UCHL5: variants seen among roughly 807,000 people sequenced by gnomAD.
UCHL5 encodes the protein ubiquitin C-terminal hydrolase L5, also known as ubiquitin carboxyl-terminal hydrolase isozyme L5.
In UCHL5, 34 loss-of-function variants were observed where a neutral mutation model predicts 53.8. The observed-to-expected ratio is 0.63, with a 90% CI of 0.48 to 0.84. UCHL5 has a LOEUF of 0.84. Ranked by LOEUF, UCHL5 falls within the 40% of genes least tolerant of loss-of-function variation. The pLI, the probability that UCHL5 is intolerant of heterozygous loss-of-function variation, is 0.00. For missense variants in UCHL5, 290 were observed against 385.6 expected (o/e 0.75, Z 2.08); for synonymous variants, 111 against 126.3 (o/e 0.88, Z 0.81).
At chr1:193,017,228 G>A (rs1018611724) in intron 10 of UCHL5, among the ~76,000 whole-genome samples, 2 of 151,712 alleles carry the variant, frequency 1.3e-5, no homozygotes, top group Admixed American at 6.6e-5. Context: ...AGATTTTAGA[G>A]TACTACAATG....
chr1:193,051,282 G>C (rs1158575445), intron 2 of UCHL5, among the ~76,000 whole-genome samples: 1 of 152,002 alleles, frequency 6.6e-6, no homozygotes. Flanking sequence ...GAGAAAAGTT[G>C]TTTCTGGCAT....
chr1:193,019,959 T>C (rs1166210647), intron 10 of UCHL5: 2 of 983,340 alleles, frequency 2.0e-6, no homozygotes, highest in Non-Finnish European at 2.4e-6. Context: ...ACATTTGATA[T>C]GATTAATAAC....
intron 1 of UCHL5, among the ~76,000 whole-genome samples, chr1:193,058,064 T>C (rs1671257548): frequency 7.0e-6 from 1 of 143,410 alleles, no homozygotes; most frequent in Admixed American, 6.9e-5. Context: ...CTGTCTCTAC[T>C]AAAAAAAAAA....
At chr1:193,043,159 A>T (rs1176071905) in intron 3 of UCHL5, among the ~76,000 whole-genome samples, 21 of 142,938 alleles carry the variant, frequency 1.5e-4, no homozygotes, top group African/African-American at 3.3e-4. Context: ...ATTAAAAAAA[A>T]AAAAAAAAAA....
At chr1:193,026,318 AC>A (rs1280924462) in intron 7 of UCHL5, among the ~76,000 whole-genome samples, 1 of 152,098 alleles carries the variant, frequency 6.6e-6, no homozygotes, top group African/African-American at 2.4e-5. Context: ...CAGGATTAAG[AC>A]CTTTTGCTCT....
intron 1 of UCHL5, 80 bp from the exon 2 acceptor site, chr1:193,051,897 G>T: frequency 9.9e-7 from 1 of 1,010,700 alleles, no homozygotes; most frequent in Non-Finnish European, 1.5e-6. Flanking sequence ...TTAACTAAAG[G>T]AAATGCAACA....
intron 1 of UCHL5, among the ~76,000 whole-genome samples, chr1:193,053,573 C>G (rs1028489211): frequency 1.3e-5 from 2 of 152,194 alleles, no homozygotes; most frequent in Non-Finnish European, 1.5e-5. Context: ...CTGATCCCAG[C>G]ACTGTCGTAA....
chr1:193,027,158 T>A (rs1022674684), intron 7 of UCHL5, among the ~76,000 whole-genome samples: 6 of 152,188 alleles, frequency 3.9e-5, no homozygotes, highest in African/African-American at 1.4e-4. Flanking sequence ...TTTTGCTGTA[T>A]CTTGACTACA....
chr1:193,012,483 T>G lies in UCHL5; in HGVS notation c.*3868A>C, dbSNP rs991899874. On this transcript the variant is annotated 3_prime_UTR_variant, in exon 11 of 11. Transcript: ENST00000367454. The stretch of plus-strand genomic sequence containing the variant: ...ATTAATATTCTTAATTATTGCACAT[T>G]GGTTCTGCCTATATGCCTATATGCA... The G allele has an allele frequency of 2.6e-5, 4 of 152,222 alleles. No individual in the cohort carries two copies. Among genetic ancestry groups the G allele is most frequent in the African/African-American group, 7.2e-5 (3 of 41,458 alleles). The allele number at this position is 152,222 out of a possible 1,614,324, so 9.4% of individuals were successfully genotyped here.
intron 3 of UCHL5, among the ~76,000 whole-genome samples, chr1:193,040,649 C>T (rs1386355957): frequency 1.3e-5 from 2 of 152,182 alleles, no homozygotes; most frequent in Non-Finnish European, 2.9e-5. Context: ...GTATACAGAT[C>T]CGAAAGAAGG....
chr1:193,021,633 C>G (rs1226291715), intron 9 of UCHL5, among the ~76,000 whole-genome samples: 1 of 152,148 alleles, frequency 6.6e-6, no homozygotes, highest in African/African-American at 2.4e-5. Flanking sequence ...ATTTCTACTT[C>G]AGTGGAAAAC....
chr1:193,018,524 G>A (rs1571420746), intron 10 of UCHL5: 3 of 1,121,448 alleles, frequency 2.7e-6, no homozygotes, highest in Non-Finnish European at 3.3e-6. Context: ...AATGTGGTGT[G>A]TATTCAACGA....
chr1:193,016,222 C>G lies in UCHL5; in HGVS notation c.*129G>C, dbSNP rs1394047516. The G allele has an allele frequency of 3.0e-6, 3 of 990,264 alleles. No homozygotes were observed. The allele number at this position is 990,264 out of a possible 1,614,324, so 61.3% of individuals were successfully genotyped here. ...AGTTTATGAATCCATGCATTAAAGA[C>G]AAGACAGGCTGGCACTATTGCCAAA... is the stretch of plus-strand genomic sequence containing the variant. On this transcript the variant is annotated 3_prime_UTR_variant, in exon 11 of 11. Transcript: ENST00000367454.
chr1:193,016,757 G>A (rs1021064637), intron 10 of UCHL5, among the ~76,000 whole-genome samples: 3 of 151,528 alleles, frequency 2.0e-5, no homozygotes, highest in Admixed American at 6.6e-5. Context: ...ATGAGCATAA[G>A]AAAAATCTTA....
intron 7 of UCHL5, among the ~76,000 whole-genome samples, chr1:193,026,467 C>T (rs903968184): frequency 1.3e-5 from 2 of 152,094 alleles, no homozygotes; most frequent in Non-Finnish European, 1.5e-5. Flanking sequence ...ACAATCCAAT[C>T]AGAAAATGAG....
chr1:193,038,021 T>C (rs907324230), intron 3 of UCHL5, among the ~76,000 whole-genome samples: 2 of 151,894 alleles, frequency 1.3e-5, no homozygotes, highest in Non-Finnish European at 2.9e-5. Context: ...TTTCAACAGA[T>C]GCTGAAAAAG....
At chr1:193,059,677 G>A, upstream of UCHL5, 6 of 1,366,762 alleles carry the variant, frequency 4.4e-6, no homozygotes, top group South Asian at 1.2e-5. The surrounding 1 kb of genome is among the most constrained non-coding windows in gnomAD (Gnocchi z 4.9). Flanking sequence ...TGCTGTGGCT[G>A]TCGCTGCCCG....
intron 1 of UCHL5, among the ~76,000 whole-genome samples, chr1:193,054,979 G>C (rs1357917253): frequency 6.6e-6 from 1 of 152,106 alleles, no homozygotes; most frequent in Non-Finnish European, 1.5e-5. Flanking sequence ...AAGCCATCTA[G>C]TTTTTTTACT....
intron 2 of UCHL5, among the ~76,000 whole-genome samples, chr1:193,051,045 A>C (rs1203057476): frequency 1.3e-5 from 2 of 152,236 alleles, no homozygotes; most frequent in Non-Finnish European, 2.9e-5. Flanking sequence ...GGTAGGAAGA[A>C]GCAAACTACC....
Sources: allele counts gnomAD v4.1 joint callset (sites outside exome capture counted in the v4.1 genomes callset), GRCh38; gene constraint gnomAD v4.1.1; non-coding constraint Gnocchi (gnomAD v3.1); transcripts MANE v1.5; gene names NCBI Gene and HGNC (gene_info 2026-07-23, HGNC 2026-07-21).